EP400: variants seen among roughly 807,000 people sequenced by gnomAD.
EP400 encodes the protein E1A binding protein p400, also known as E1A-binding protein p400.
Under a neutral mutation model 354.1 loss-of-function variants are expected in EP400, and 105 were observed. That is an observed-to-expected ratio of 0.30 (90% CI 0.25 to 0.35). The LOEUF is 0.35. Ranked by LOEUF, EP400 falls within the 10% of genes least tolerant of loss-of-function variation. EP400 has a pLI of 1.00. For missense variants in EP400, 3,280 were observed against 4,121.0 expected (o/e 0.80, Z 5.59); for synonymous variants, 1,646 against 1,716.9 (o/e 0.96, Z 1.02).
At position 132,020,189 on chromosome 12, in the gene EP400, C is replaced by T. The variant is rs1338999705; in HGVS notation, c.4418C>T (p.Ala1473Val). Residue 1473 changes from alanine (A) to valine (V), a missense_variant, in exon 22 of 53, where the codon GCC becomes GTC. Physicochemically the swap from Ala to Val is moderately conservative, Grantham distance 64. This residue lies in a region of EP400 where 342 missense variants were observed against 342.7 expected (regional missense o/e 1.00). Transcript: ENST00000389561. ...CCGCTTCGAGGACGGCCGCCCATCGCCACGTTCTCTGCCAATCCGGAGGCA... is the reference window on the plus strand; with the variant it reads ...CCGCTTCGAGGACGGCCGCCCATCGTCACGTTCTCTGCCAATCCGGAGGCA... ...QGPLRGRPPIATFSANPEAKA... is the reference protein window; with the variant it reads ...QGPLRGRPPIVTFSANPEAKA... 1.1e-5 allele frequency: 17 copies of T among 1,609,836 alleles called. No homozygotes were observed. Among genetic ancestry groups the T allele is most frequent in the Non-Finnish European group, 1.4e-5 (16 of 1,178,310 alleles).
chr12:132,013,149 G>A lies in EP400; in HGVS notation c.3582G>A (p.Arg1194=), dbSNP rs748962427. 3.1e-6 allele frequency: 5 copies of A among 1,613,756 alleles called. No homozygotes were observed. The highest frequency in any genetic ancestry group is 1.7e-5 in the Admixed American group (1 of 60,004). The change falls in exon 17 of 53, where the codon AGG becomes AGA. Residue 1194 remains arginine (R), a synonymous_variant. Transcript: ENST00000389561. This position sits in a 1 kb window ranked among gnomAD's most constrained non-coding sequence, Gnocchi z 4.5. The part of the protein sequence containing the change: ...EMQRVKGMTE[R]HWEAVFTLQS... Reference sequence around the variant, plus strand: ...AGCGCGTGAAGGGCATGACCGAGAGGCACTGGGAAGCGGTTTTCACCCTGC... The same window carrying A: ...AGCGCGTGAAGGGCATGACCGAGAGACACTGGGAAGCGGTTTTCACCCTGC...
At chr12:132,007,431 T>C (rs1172843998) in intron 15 of EP400, among the ~76,000 whole-genome samples, 1 of 152,248 alleles carries the variant, frequency 6.6e-6, no homozygotes, top group African/African-American at 2.4e-5. Flanking sequence ...CCCAACTGGC[T>C]CTTCACCCTC....
rs191929223 is a variant in EP400, at chr12:132,064,092, C to T, written c.8335-576C>T. Among the ~76,000 whole-genome samples the T allele has an allele frequency of 3.9e-3, 591 of 150,134 alleles. 6 individuals carry two copies. The highest frequency in any genetic ancestry group is 0.024 in the South Asian group (112 of 4,618). On this transcript the variant is annotated intron_variant, in intron 47 of 52. Transcript: ENST00000389561. Reference sequence around the variant, plus strand: ...CCCGGTTCAACCACTGATGACCCCCCGGCCTACAGCCACACAGGTGCCTTG... The same window carrying T: ...CCCGGTTCAACCACTGATGACCCCCTGGCCTACAGCCACACAGGTGCCTTG...
chr12:132,008,040 C>T (rs576447137), intron 15 of EP400, among the ~76,000 whole-genome samples: 7 of 152,266 alleles, frequency 4.6e-5, no homozygotes, highest in African/African-American at 1.7e-4. Flanking sequence ...CCTCCGCCTC[C>T]TGGGTTCAAG....
At chr12:132,002,854 G>A (rs961754551) in intron 12 of EP400, among the ~76,000 whole-genome samples, 1 of 152,178 alleles carries the variant, frequency 6.6e-6, no homozygotes, top group Admixed American at 6.5e-5. Flanking sequence ...GAATCCATGA[G>A]CAGAGCCTCT....
chr12:132,077,328 A>G (rs1593394491), intron 52 of EP400, 73 bp from the exon 53 acceptor site: 3 of 1,536,488 alleles, frequency 2.0e-6, no homozygotes. Context: ...TCCCCATCCC[A>G]AAGAACGTCC....
chr12:131,953,338 C>T (rs1891584786), intron 1 of EP400, among the ~76,000 whole-genome samples: 1 of 152,204 alleles, frequency 6.6e-6, no homozygotes, highest in Non-Finnish European at 1.5e-5. Flanking sequence ...AGCACTTCTT[C>T]AGTTTTTCTT....
At position 131,982,074 on chromosome 12, in the gene EP400, C is replaced by G. The variant is rs750734212; in HGVS notation, c.1544-19C>G. The G allele has an allele frequency of 2.0e-6, 3 of 1,502,726 alleles. No homozygotes were observed. The highest frequency in any genetic ancestry group is 2.6e-6 in the Non-Finnish European group (3 of 1,132,330). 93.1% of individuals were successfully genotyped at this position (1,502,726 alleles called of 1,614,324 possible). A position where few individuals can be genotyped will look rare whatever the true frequency, so the allele number is the denominator to read the frequency against. ...CACACTTGGGAATCAGTGCTTTTGG[C>G]ACTTTTCTTATTTTGCAGGAGGAAT... On this transcript the variant is annotated intron_variant, in intron 4 of 52. Transcript: ENST00000389561.
chr12:132,005,007 T>A, intron 12 of EP400, 70 bp from the exon 13 acceptor site: 1 of 1,246,408 alleles, frequency 8.0e-7, no homozygotes, highest in South Asian at 1.3e-5. Context: ...TCCTGGCTGC[T>A]GCTCCTTCCC....
Position 131,994,233 on chromosome 12 carries a change from TTA to T in EP400, c.2738-632_2738-631del, listed in dbSNP as rs1893133147. Among the ~76,000 whole-genome samples the T allele has an allele frequency of 6.6e-6, 1 of 151,904 alleles. No homozygotes were observed. Among genetic ancestry groups the T allele is most frequent in the Non-Finnish European group, 1.5e-5 (1 of 67,980 alleles). ...TTTTGATGGTAGGAAGGGAGAGATG[TTA>T]TGTTAGATTGTGAGAGAAGAAAAGT... On this transcript the variant is annotated intron_variant, in intron 11 of 52. Coordinates refer to ENST00000389561, the MANE Select transcript of EP400 (RefSeq NM_015409.5). This position sits in a 1 kb window ranked among gnomAD's most constrained non-coding sequence, Gnocchi z 4.6.
intron 6 of EP400, among the ~76,000 whole-genome samples, chr12:131,987,051 A>G (rs1362494451): frequency 1.3e-5 from 2 of 152,284 alleles, no homozygotes; most frequent in East Asian, 3.9e-4. Flanking sequence ...GCAGTAGACG[A>G]GGGTGGGAGA....
chr12:132,044,771 A>G, intron 36 of EP400, 29 bp from the exon 37 acceptor site: 1 of 1,614,038 alleles, frequency 6.2e-7, no homozygotes, highest in Non-Finnish European at 8.5e-7. Flanking sequence ...TGAGTTCCAC[A>G]TCTCATGGGC....
rs1233595520 is a variant in EP400 at position 132,013,046 on chromosome 12, C to T, written c.3479C>T (p.Thr1160Met). 5 of 1,613,686 alleles carry T rather than the reference C, an allele frequency of 3.1e-6. No homozygotes were observed. The highest frequency in any genetic ancestry group is 2.2e-5 in the South Asian group (2 of 91,052). ...AEPNSFHVCI[T>M]SYTQFFRGLT... is the part of the protein sequence containing the mutation. ...CCCAACAGCTTCCACGTCTGCATCACGTCCTACACTCAGTTCTTCCGGGGC... is the reference window on the plus strand; with the variant it reads ...CCCAACAGCTTCCACGTCTGCATCATGTCCTACACTCAGTTCTTCCGGGGC... Residue 1160 changes from threonine (T) to methionine (M), a missense_variant, in exon 17 of 53, where the codon ACG becomes ATG. This residue lies in a region of EP400 where 242 missense variants were observed against 357.9 expected (regional missense o/e 0.68). Transcript: ENST00000389561. This position sits in a 1 kb window ranked among gnomAD's most constrained non-coding sequence, Gnocchi z 4.5.
In EP400 at chr12:131,980,842, G is replaced by A. The variant is rs117586253; in HGVS notation, c.1436-647G>A. On this transcript the variant is annotated intron_variant, in intron 3 of 52. Transcript: ENST00000389561. Reference sequence around the variant, plus strand: ...GCTGGGATTATAAGCGTGAGCCACCGCGCCCAACTGTCTGTCAATATATCT... The same window carrying A: ...GCTGGGATTATAAGCGTGAGCCACCACGCCCAACTGTCTGTCAATATATCT... Among the ~76,000 whole-genome samples the A allele has an allele frequency of 7.1e-3, 1,086 of 152,206 alleles. 36 individuals are homozygous for A. In the South Asian group the frequency reaches 0.094, roughly 13 times the overall value.
intron 32 of EP400, among the ~76,000 whole-genome samples, chr12:132,040,649 A>T (rs917559004): frequency 6.6e-6 from 1 of 152,238 alleles, no homozygotes; most frequent in Non-Finnish European, 1.5e-5. Context: ...CTTTTATTCT[A>T]GTAAGGAGAG....
intron 31 of EP400, 46 bp from the exon 32 acceptor site, chr12:132,037,907 A>T (rs1894770098): frequency 6.2e-7 from 1 of 1,613,096 alleles, no homozygotes; most frequent in Non-Finnish European, 8.5e-7. Flanking sequence ...GGTCAGATGC[A>T]CACTTGGACC....
chr12:131,973,929 A>G (rs1892381125), intron 2 of EP400, among the ~76,000 whole-genome samples: 1 of 151,016 alleles, frequency 6.6e-6, no homozygotes, highest in African/African-American at 2.4e-5. Flanking sequence ...GTAATTATTT[A>G]TGGTTTTGTG....
intron 47 of EP400, 59 bp from the exon 48 acceptor site, chr12:132,064,609 C>T: frequency 1.3e-6 from 2 of 1,573,794 alleles, no homozygotes; most frequent in East Asian, 4.5e-5. Context: ...AACAAGATGT[C>T]TACTTAAAGA....
rs1307350897 is a variant in EP400 at position 132,017,542 on chromosome 12, G to A, written c.3931G>A (p.Glu1311Lys). 6.2e-7 allele frequency: 1 copy of A among 1,613,974 alleles called. No homozygotes were observed. Residue 1311 changes from glutamate to lysine, a missense_variant, in exon 20 of 53, where the codon GAG becomes AAG. By Grantham distance (56) the Glu-to-Lys change is moderately conservative (BLOSUM62 1). Transcript: ENST00000389561. This position sits in a 1 kb window ranked among gnomAD's most constrained non-coding sequence, Gnocchi z 5.0. ...TTCTTTCTCCACGGGCAGCACTCAGGAGGCCTTGAAGAGCGGGCACTTTGT... is the reference window on the plus strand; with the variant it reads ...TTCTTTCTCCACGGGCAGCACTCAGAAGGCCTTGAAGAGCGGGCACTTTGT... ...EDVILQPGTQ[E>K]ALKSGHFVNV...
Sources: gnomAD v4.1 joint callset for allele counts (sites outside exome capture counted in the v4.1 genomes callset) on GRCh38, gnomAD v4.1.1 for gene constraint, gnomAD v4.1.1 regional missense constraint, Gnocchi (gnomAD v3.1) non-coding constraint, MANE v1.5 for transcripts, NCBI Gene and HGNC (gene_info 2026-07-23, HGNC 2026-07-21) for gene names.